Variants in NEO1 observed in about 807,000 individuals in gnomAD.
The protein encoded by NEO1 is neogenin.
A neutral mutation model predicts 159.7 loss-of-function variants in NEO1; 63 were observed. The observed-to-expected ratio is 0.39, with a 90% CI of 0.32 to 0.49. NEO1 has a LOEUF of 0.49. Among genes scored for constraint, NEO1 ranks in the 20% least tolerant of loss-of-function variants. NEO1 has a pLI of 0.85. For missense variants in NEO1, 1,615 were observed against 1,831.0 expected, an observed-to-expected ratio of 0.88 and a Z score of 2.15; for synonymous variants, 633 against 662.0, an observed-to-expected ratio of 0.96 and a Z score of 0.67.
intron 11 of NEO1, 75 bp downstream of exon 11, chr15:73,249,796 T>C (rs2039980737): frequency 6.8e-7 from 1 of 1,474,990 alleles, no homozygotes; most frequent in South Asian, 1.5e-5. Context: ...TCATGAGCTT[T>C]GATGTCTAGA....
At chr15:73,222,473 T>C (rs1421141043) in intron 7 of NEO1, among the ~76,000 whole-genome samples, 1 of 152,078 alleles carries the variant, frequency 6.6e-6, no homozygotes, top group Non-Finnish European at 1.5e-5. Context: ...AATTCCTGAT[T>C]AAAGCTAGGA....
intron 1 of NEO1, among the ~76,000 whole-genome samples, chr15:73,081,476 T>C (rs1424065454): frequency 2.0e-5 from 3 of 152,208 alleles, no homozygotes; most frequent in African/African-American, 7.2e-5. Context: ...TTTCCTAAAA[T>C]TCCTTCTAAT....
At chr15:73,101,646 G>A (rs1231438128) in intron 1 of NEO1, among the ~76,000 whole-genome samples, 2 of 152,058 alleles carry the variant, frequency 1.3e-5, no homozygotes, top group Non-Finnish European at 2.9e-5. Flanking sequence ...CTCTCTCAAG[G>A]GTCATAGTCC....
intron 25 of NEO1, among the ~76,000 whole-genome samples, chr15:73,290,266 A>C: frequency 9.2e-6 from 1 of 108,818 alleles, no homozygotes; most frequent in Admixed American, 1.4e-4. Context: ...ACAGAGTCAG[A>C]GTCTTGCTGT....
At chr15:73,067,416 A>G in intron 1 of NEO1, among the ~76,000 whole-genome samples, 1 of 149,466 alleles carries the variant, frequency 6.7e-6, no homozygotes, top group Non-Finnish European at 1.5e-5. Flanking sequence ...GTCTATATAT[A>G]TTCAGTATTG....
intron 11 of NEO1, 115 bp downstream of exon 11, chr15:73,249,836 T>C: frequency 8.3e-7 from 1 of 1,202,548 alleles, no homozygotes; most frequent in Non-Finnish European, 1.1e-6. Flanking sequence ...ATTTTACCTC[T>C]TTCTGGTAAT....
chr15:73,250,761 AT>A (rs2040029606), intron 11 of NEO1, among the ~76,000 whole-genome samples: 1 of 152,200 alleles, frequency 6.6e-6, no homozygotes, highest in Non-Finnish European at 1.5e-5. Context: ...GTAAAGACAC[AT>A]GAAATAAAAT....
At chr15:73,129,697 G>A (rs2030836378) in intron 4 of NEO1, among the ~76,000 whole-genome samples, 2 of 152,156 alleles carry the variant, frequency 1.3e-5, no homozygotes, top group South Asian at 4.1e-4. Flanking sequence ...GTCAAATAAT[G>A]TTATCTTTTA....
intron 15 of NEO1, among the ~76,000 whole-genome samples, chr15:73,261,746 A>G (rs1037375185): frequency 6.6e-6 from 1 of 152,206 alleles, no homozygotes; most frequent in Non-Finnish European, 1.5e-5. Context: ...AGTGCAGTCC[A>G]AGAAAAGTCA....
intron 5 of NEO1, among the ~76,000 whole-genome samples, chr15:73,158,442 A>G (rs915975636): frequency 6.6e-6 from 1 of 152,054 alleles, no homozygotes; most frequent in Non-Finnish European, 1.5e-5. Flanking sequence ...TCTGTTGCCC[A>G]GACTGGAGTG....
intron 1 of NEO1, among the ~76,000 whole-genome samples, chr15:73,109,049 T>C (rs942259845): frequency 2.0e-5 from 3 of 152,154 alleles, no homozygotes; most frequent in Non-Finnish European, 4.4e-5. Context: ...CTTTAAAGAT[T>C]AGGGAAGAAA....
At chr15:73,077,463 C>G (rs2068829586) in intron 1 of NEO1, among the ~76,000 whole-genome samples, 1 of 152,190 alleles carries the variant, frequency 6.6e-6, no homozygotes, top group Non-Finnish European at 1.5e-5. Flanking sequence ...AACACATAAA[C>G]AAGTAAGTAC....
At chr15:73,155,338 T>G (rs1596180710) in intron 5 of NEO1, among the ~76,000 whole-genome samples, 1 of 152,262 alleles carries the variant, frequency 6.6e-6, no homozygotes, top group South Asian at 2.1e-4. Flanking sequence ...TCTGATGGGG[T>G]TTTCTTTATA....
chr15:73,223,954 G>T (rs1285914905), intron 7 of NEO1, among the ~76,000 whole-genome samples: 1 of 152,202 alleles, frequency 6.6e-6, no homozygotes, highest in African/African-American at 2.4e-5. Flanking sequence ...TTTGATTCAA[G>T]ATGTAGAGCT....
At chr15:73,154,933 T>C (rs1229305589) in intron 5 of NEO1, among the ~76,000 whole-genome samples, 1 of 152,210 alleles carries the variant, frequency 6.6e-6, no homozygotes. Flanking sequence ...TTCTTCTGTC[T>C]TTTGGCTTGA....
chr15:73,259,905 A>T (rs1276158407), intron 14 of NEO1, among the ~76,000 whole-genome samples: 1 of 152,168 alleles, frequency 6.6e-6, no homozygotes, highest in African/African-American at 2.4e-5. Flanking sequence ...TGCCTTTCTC[A>T]TTCCACCTGG....
At chr15:73,116,924 C>T in intron 2 of NEO1, 67 bp downstream of exon 2, 1 of 1,282,788 alleles carries the variant, frequency 7.8e-7, no homozygotes, top group South Asian at 1.5e-5. Flanking sequence ...GATAAAAGCA[C>T]TGTTCTCTTG....
chr15:73,201,114 A>G (rs1204400036), intron 7 of NEO1, among the ~76,000 whole-genome samples: 6 of 151,824 alleles, frequency 4.0e-5, no homozygotes, highest in African/African-American at 1.5e-4. Flanking sequence ...GTTGATCTTT[A>G]TAAATAACTA....
chr15:73,093,399 A>G (rs1049025437), intron 1 of NEO1, among the ~76,000 whole-genome samples: 5 of 152,214 alleles, frequency 3.3e-5, no homozygotes, highest in Non-Finnish European at 4.4e-5. Flanking sequence ...TGGTGTTTCT[A>G]TGTGAATTAT....
Sources: gnomAD v4.1 joint callset for allele counts (sites outside exome capture counted in the v4.1 genomes callset) on GRCh38, gnomAD v4.1.1 for gene constraint, MANE v1.5 for transcripts, NCBI Gene and HGNC (gene_info 2026-07-23, HGNC 2026-07-21) for gene names.